The following CD48 variants were observed in gnomAD, a reference collection of about 807,000 sequenced individuals.
CD48 encodes the protein CD48 antigen.
Under a neutral mutation model 22.0 loss-of-function variants are expected in CD48, and 20 were observed. The ratio of observed to expected loss-of-function variants is 0.91; its 90% CI spans 0.64 to 1.32. CD48 has a LOEUF of 1.32. CD48 is among the 40% of genes most tolerant of loss of function. The probability of loss-of-function intolerance (pLI) is 0.00; values close to 1 mark genes in which losing one functional copy is unlikely to be tolerated. For missense variants in CD48, 307 were observed against 286.5 expected (o/e 1.07, Z -0.52); for synonymous variants, 110 against 110.1 (o/e 1.00, Z 0.01).
chr1:160,709,456 A>G (rs1662887749), intron 1 of CD48, among the ~76,000 whole-genome samples: 1 of 152,214 alleles, frequency 6.6e-6, no homozygotes, highest in African/African-American at 2.4e-5. Flanking sequence ...GGAAGCTTTA[A>G]TGACTTGTTG....
At chr1:160,693,772 C>G (rs544342274) in intron 1 of CD48, among the ~76,000 whole-genome samples, 2 of 152,306 alleles carry the variant, frequency 1.3e-5, no homozygotes, top group East Asian at 3.9e-4. Flanking sequence ...CAACCATTGT[C>G]GGGAAACTAG....
intron 1 of CD48, among the ~76,000 whole-genome samples, chr1:160,709,737 G>GTA (rs1662897112): frequency 2.6e-5 from 4 of 151,952 alleles, no homozygotes; most frequent in African/African-American, 9.7e-5. Flanking sequence ...AGGAAGATAT[G>GTA]GATGTGTAGT....
chr1:160,691,714 A>G, intron 1 of CD48: 1 of 325,284 alleles, frequency 3.1e-6, no homozygotes, highest in Non-Finnish European at 5.6e-6. Context: ...GCACCTTACG[A>G]GAAACACCCA....
At chr1:160,701,357 T>TCCACATA (rs1319985021) in intron 1 of CD48, among the ~76,000 whole-genome samples, 1 of 151,892 alleles carries the variant, frequency 6.6e-6, no homozygotes. Flanking sequence ...AAGAGAATGT[T>TCCACATA]CCACATATCC....
chr1:160,711,729 AGAGCCAG>A lies in CD48; in HGVS notation c.28_34del (p.Leu10TrpfsTer12). ...TGACAGAGGCAGCAGTAGCAATTCC[AGAGCCAG>A]ACACGAATCCCAACCTCTGGAGCAC... On this transcript the variant is annotated frameshift_variant, in exon 1 of 4. Transcript: ENST00000368046. LOFTEE classifies it high-confidence loss of function. The A allele has an allele frequency of 6.2e-7, 1 of 1,613,810 alleles. No individual in the cohort carries two copies. Among genetic ancestry groups the A allele is most frequent in the Non-Finnish European group, 8.5e-7 (1 of 1,179,720 alleles).
At position 160,681,131 on chromosome 1, in the gene CD48, C is replaced by T. The variant is rs778535449; in HGVS notation, c.652+71G>A. ...CTGTGCAAGGAGGCTGAATAGGACC[C>T]CCAGCCTTTCTTTGTTCAAAACAAC... On this transcript the variant is annotated intron_variant, in intron 3 of 3. Transcript: ENST00000368046. 7.3e-5 allele frequency: 117 copies of T among 1,611,062 alleles called. 2 individuals carry two copies. Among genetic ancestry groups the T allele is most frequent in the Admixed American group, 3.0e-4 (18 of 59,612 alleles).
At chr1:160,709,435 G>A (rs761350403) in intron 1 of CD48, among the ~76,000 whole-genome samples, 1 of 152,220 alleles carries the variant, frequency 6.6e-6, no homozygotes, top group Non-Finnish European at 1.5e-5. Context: ...AGCTGAGGAA[G>A]CTGAGGCTCA....
At chr1:160,698,157 T>C (rs1662498374) in intron 1 of CD48, among the ~76,000 whole-genome samples, 1 of 152,180 alleles carries the variant, frequency 6.6e-6, no homozygotes, top group African/African-American at 2.4e-5. Flanking sequence ...CCCCCTTATA[T>C]GCTAGTTGTA....
At chr1:160,685,574 ATGT>A (rs1264100368) in intron 1 of CD48, among the ~76,000 whole-genome samples, 1 of 152,210 alleles carries the variant, frequency 6.6e-6, no homozygotes, top group Non-Finnish European at 1.5e-5. Flanking sequence ...TTCAGTAAGC[ATGT>A]TGTTAGTCCC....
chr1:160,702,007 T>G (rs994807950), intron 1 of CD48, among the ~76,000 whole-genome samples: 6 of 152,160 alleles, frequency 3.9e-5, no homozygotes, highest in African/African-American at 1.4e-4. Context: ...TCGCCTTTGT[T>G]TAAAATGATA....
chr1:160,695,240 C>T (rs764452625), intron 1 of CD48, among the ~76,000 whole-genome samples: 5,087 of 121,986 alleles, frequency 0.042, no homozygotes, highest in South Asian at 0.089. Flanking sequence ...ATTTGTCAGA[C>T]TTTTGTAGGT....
chr1:160,683,437 C>T (rs1285345624), intron 2 of CD48: 2 of 151,910 alleles, frequency 1.3e-5, no homozygotes, highest in African/African-American at 4.8e-5. Flanking sequence ...TTTTGTGAAA[C>T]CATTAGTTTA....
intron 1 of CD48, among the ~76,000 whole-genome samples, chr1:160,710,765 G>T (rs1321787555): frequency 1.3e-5 from 2 of 152,148 alleles, no homozygotes; most frequent in African/African-American, 2.4e-5. Flanking sequence ...ATATGTGAGA[G>T]ACCGATCCTC....
chr1:160,699,471 G>A (rs1662550284), intron 1 of CD48: 1 of 153,166 alleles, frequency 6.5e-6, no homozygotes. Flanking sequence ...CACCCGTAAA[G>A]GGTCTGTGCT....
intron 2 of CD48, among the ~76,000 whole-genome samples, chr1:160,682,530 AGAAG>A (rs560825034): frequency 1.5e-5 from 2 of 136,234 alleles, no homozygotes; most frequent in African/African-American, 2.7e-5. Context: ...AAAAAGAAAA[AGAAG>A]GGAGGGAGGG....
At chr1:160,705,980 C>T (rs887460896) in intron 1 of CD48, among the ~76,000 whole-genome samples, 2 of 152,154 alleles carry the variant, frequency 1.3e-5, no homozygotes, top group African/African-American at 4.8e-5. Context: ...TCATCTTTGG[C>T]AGACTCCCCA....
intron 3 of CD48, among the ~76,000 whole-genome samples, chr1:160,679,539 T>C (rs1243618011): frequency 6.6e-6 from 1 of 151,226 alleles, no homozygotes; most frequent in Non-Finnish European, 1.5e-5. Context: ...CCACTAAGTA[T>C]CTGCACCAAC....
At chr1:160,692,597 C>T (rs1424125741) in intron 1 of CD48, among the ~76,000 whole-genome samples, 1 of 152,116 alleles carries the variant, frequency 6.6e-6, no homozygotes, top group Non-Finnish European at 1.5e-5. Context: ...CCCCCAGCAC[C>T]ACAGGGCAGG....
intron 3 of CD48, 99 bp downstream of exon 3, chr1:160,681,103 A>G (rs765603144): frequency 1.3e-6 from 2 of 1,589,214 alleles, no homozygotes; most frequent in Admixed American, 3.6e-5. Flanking sequence ...ATTCACCACC[A>G]CACTGTGCAA....
Sources: gnomAD v4.1 joint callset for allele counts (sites outside exome capture counted in the v4.1 genomes callset) on GRCh38, gnomAD v4.1.1 for gene constraint, MANE v1.5 for transcripts, NCBI Gene and HGNC (gene_info 2026-07-23, HGNC 2026-07-21) for gene names.